The following ACKR5 variants were observed in gnomAD, a reference collection of about 807,000 sequenced individuals.
ACKR5 encodes the protein G protein-coupled receptor 182.
the ACKR5 span, chr12:56,995,544 A>C: frequency 6.2e-7 from 1 of 1,613,904 alleles, no homozygotes; most frequent in Non-Finnish European, 8.5e-7. This position sits in a 1 kb window ranked among gnomAD's most constrained non-coding sequence, Gnocchi z 4.7. Context: ...TGGATGCTGG[A>C]GGTCACGCTG....
the ACKR5 span, chr12:56,995,680 C>T: frequency 1.4e-5 from 23 of 1,613,718 alleles, no homozygotes; most frequent in South Asian, 3.3e-5. This position sits in a 1 kb window ranked among gnomAD's most constrained non-coding sequence, Gnocchi z 4.7. Context: ...CCCTCACCAG[C>T]GCCTCCCCCT....
At chr12:56,998,385 C>G in the ACKR5 span, 1 of 152,286 alleles carries the variant, frequency 6.6e-6, no homozygotes, top group Non-Finnish European at 1.5e-5. Flanking sequence ...TTCTTGAGGT[C>G]TGTCTCCTCT....
the ACKR5 span, chr12:56,995,710 C>T: frequency 6.2e-7 from 1 of 1,613,824 alleles, no homozygotes; most frequent in East Asian, 2.2e-5. The surrounding 1 kb of genome is among the most constrained non-coding windows in gnomAD (Gnocchi z 4.7). Context: ...GTTACCAGCA[C>T]CGAGTGCGGC....
the ACKR5 span, chr12:56,997,973 G>C: frequency 1.3e-5 from 2 of 152,400 alleles, no homozygotes; most frequent in East Asian, 3.9e-4. Flanking sequence ...CAGTAGCACA[G>C]AGCTGAAGGC....
chr12:56,996,115 T>C, the ACKR5 span: 65 of 1,613,808 alleles, frequency 4.0e-5, no homozygotes, highest in Non-Finnish European at 8.5e-7. Context: ...ACTTCTTCTA[T>C]GATGTCATTG....
chr12:56,995,618 A>C, the ACKR5 span: 1 of 1,614,104 alleles, frequency 6.2e-7, no homozygotes. This position sits in a 1 kb window ranked among gnomAD's most constrained non-coding sequence, Gnocchi z 4.7. Context: ...CTTTGTCAAC[A>C]TGTATAGCAG....
chr12:56,996,141 T>G, the ACKR5 span: 1 of 1,614,134 alleles, frequency 6.2e-7, no homozygotes, highest in Non-Finnish European at 8.5e-7. Flanking sequence ...TTCTCCATGC[T>G]GCACTGTGTC....
the ACKR5 span, chr12:56,996,297 T>C: frequency 9.3e-6 from 15 of 1,614,156 alleles, no homozygotes; most frequent in Non-Finnish European, 1.3e-5. Context: ...TCCATCATCA[T>C]CACCAAGGGT....
chr12:56,996,103 C>G, the ACKR5 span: 5 of 1,613,654 alleles, frequency 3.1e-6, no homozygotes, highest in Admixed American at 3.3e-5. Context: ...TCCACCTGCT[C>G]TACTTCTTCT....
the ACKR5 span, chr12:56,995,690 T>G: frequency 6.2e-7 from 1 of 1,613,684 alleles, no homozygotes; most frequent in Non-Finnish European, 8.5e-7. The surrounding 1 kb of genome is among the most constrained non-coding windows in gnomAD (Gnocchi z 4.7). Context: ...CGCCTCCCCC[T>G]CCTGGCAGCG....
chr12:56,995,672 C>T, the ACKR5 span: 7 of 1,613,960 alleles, frequency 4.3e-6, no homozygotes, highest in South Asian at 7.7e-5. This position sits in a 1 kb window ranked among gnomAD's most constrained non-coding sequence, Gnocchi z 4.7. Flanking sequence ...CTATGTCACC[C>T]TCACCAGCGC....
the ACKR5 span, chr12:56,995,652 G>A: frequency 6.2e-7 from 1 of 1,614,016 alleles, no homozygotes; most frequent in East Asian, 2.2e-5. The surrounding 1 kb of genome is among the most constrained non-coding windows in gnomAD (Gnocchi z 4.7). Context: ...GTGTGCCTCA[G>A]TGTCGACCGC....
chr12:56,998,773 G>A, the ACKR5 span: 3 of 152,654 alleles, frequency 2.0e-5, no homozygotes, highest in African/African-American at 7.2e-5. Context: ...AAAGGGTGAT[G>A]AGCCCAGATA....
the ACKR5 span, chr12:56,995,699 C>T: frequency 3.5e-5 from 57 of 1,613,798 alleles, no homozygotes; most frequent in African/African-American, 3.5e-4. The surrounding 1 kb of genome is among the most constrained non-coding windows in gnomAD (Gnocchi z 4.7). Context: ...CTCCTGGCAG[C>T]GTTACCAGCA....
the ACKR5 span, chr12:56,996,293 A>G: frequency 6.2e-7 from 1 of 1,614,044 alleles, no homozygotes; most frequent in African/African-American, 1.3e-5. Flanking sequence ...GCATTCCATC[A>G]TCATCACCAA....
At chr12:56,996,032 C>T in the ACKR5 span, 10 of 1,610,724 alleles carry the variant, frequency 6.2e-6, no homozygotes, top group African/African-American at 1.3e-5. Flanking sequence ...GCTGCCCTAT[C>T]ATGTGACCCT....
chr12:56,995,267 A>G, the ACKR5 span: 3 of 1,613,830 alleles, frequency 1.9e-6, no homozygotes, highest in Non-Finnish European at 2.5e-6. The surrounding 1 kb of genome is among the most constrained non-coding windows in gnomAD (Gnocchi z 4.7). Context: ...CGCAGTGCCT[A>G]CCAGTGACCT....
chr12:56,995,972 C>A, the ACKR5 span: 1 of 1,611,104 alleles, frequency 6.2e-7, no homozygotes, highest in African/African-American at 1.3e-5. The surrounding 1 kb of genome is among the most constrained non-coding windows in gnomAD (Gnocchi z 4.7). Context: ...CAAGAGCCGG[C>A]GCCACTGCCT....
the ACKR5 span, chr12:56,996,126 A>C: frequency 1.9e-6 from 3 of 1,613,870 alleles, no homozygotes; most frequent in Non-Finnish European, 2.5e-6. Flanking sequence ...GATGTCATTG[A>C]CTGCTTCTCC....
Sources: gnomAD v4.1 joint callset for allele counts on GRCh38, gnomAD v4.1.1 for gene constraint, Gnocchi (gnomAD v3.1) non-coding constraint, MANE v1.5 for transcripts, NCBI Gene and HGNC (gene_info 2026-07-23, HGNC 2026-07-21) for gene names.